The following ATRNL1 variants were observed in gnomAD, a reference collection of about 807,000 sequenced individuals.
The protein encoded by ATRNL1 is attractin like 1.
Under a neutral mutation model 182.7 loss-of-function variants are expected in ATRNL1, and 95 were observed. The observed-to-expected ratio is 0.52, with a 90% CI of 0.44 to 0.62. ATRNL1 has a LOEUF of 0.62. Among genes scored for constraint, ATRNL1 ranks in the 20% least tolerant of loss-of-function variants. The probability of loss-of-function intolerance (pLI) is 0.00; values close to 1 mark genes in which losing one functional copy is unlikely to be tolerated. For missense variants in ATRNL1, 1,471 were observed against 1,679.5 expected (o/e 0.88, Z 2.17); for synonymous variants, 576 against 568.3 (o/e 1.01, Z -0.19).
intron 14 of ATRNL1, among the ~76,000 whole-genome samples, chr10:115,285,271 A>G (rs1852553829): frequency 6.6e-6 from 1 of 152,156 alleles, no homozygotes; most frequent in Non-Finnish European, 1.5e-5. Flanking sequence ...CCAAATCAGT[A>G]GATATAGCAT....
intron 19 of ATRNL1, among the ~76,000 whole-genome samples, chr10:115,350,346 GA>G (rs71010016): frequency 7.5e-5 from 5 of 66,404 alleles, no homozygotes; most frequent in African/African-American, 3.0e-4. Flanking sequence ...AAAAAAAAAA[GA>G]AAAAAAAAAA....
At chr10:115,384,260 T>C (rs1254309873) in intron 19 of ATRNL1, among the ~76,000 whole-genome samples, 3 of 152,038 alleles carry the variant, frequency 2.0e-5, no homozygotes, top group Non-Finnish European at 4.4e-5. Context: ...GCATGTTCTT[T>C]AAAAGTGCCC....
intron 20 of ATRNL1, among the ~76,000 whole-genome samples, chr10:115,415,491 A>C (rs1350056684): frequency 6.6e-6 from 1 of 151,386 alleles, no homozygotes; most frequent in Non-Finnish European, 1.5e-5. Context: ...GTTTCTTGAC[A>C]GTACTAATTG....
At chr10:115,427,666 C>T (rs1312346345) in intron 21 of ATRNL1, among the ~76,000 whole-genome samples, 1 of 152,118 alleles carries the variant, frequency 6.6e-6, no homozygotes, top group East Asian at 1.9e-4. Flanking sequence ...TGTTCAAGCA[C>T]ACTTTATGTG....
chr10:115,824,866 T>C (rs1950391633), intron 27 of ATRNL1, among the ~76,000 whole-genome samples: 1 of 152,210 alleles, frequency 6.6e-6, no homozygotes, highest in African/African-American at 2.4e-5. Flanking sequence ...CTCAAGGATC[T>C]AGAATCAGCA....
chr10:115,581,684 G>A (rs1341132216), intron 26 of ATRNL1, among the ~76,000 whole-genome samples: 2 of 151,966 alleles, frequency 1.3e-5, no homozygotes, highest in Non-Finnish European at 2.9e-5. Flanking sequence ...TTGATCCAAG[G>A]TAAACAGGTC....
chr10:115,656,854 C>T (rs1247128544), intron 26 of ATRNL1, among the ~76,000 whole-genome samples: 1 of 152,110 alleles, frequency 6.6e-6, no homozygotes, highest in Non-Finnish European at 1.5e-5. Flanking sequence ...CTGTCACTCA[C>T]TGACTCACCA....
chr10:115,869,574 A>G (rs1951528457), intron 28 of ATRNL1, among the ~76,000 whole-genome samples: 2 of 152,086 alleles, frequency 1.3e-5, no homozygotes, highest in African/African-American at 4.8e-5. Context: ...CTCATCTCCC[A>G]CCACCACACA....
At chr10:115,645,148 G>T (rs1859523435) in intron 26 of ATRNL1, among the ~76,000 whole-genome samples, 1 of 151,948 alleles carries the variant, frequency 6.6e-6, no homozygotes, top group Admixed American at 6.6e-5. Context: ...GGTTTTCATT[G>T]TTTACTATGC....
At chr10:115,397,748 A>G (rs560545516) in intron 20 of ATRNL1, among the ~76,000 whole-genome samples, 3 of 152,162 alleles carry the variant, frequency 2.0e-5, no homozygotes, top group Non-Finnish European at 4.4e-5. Context: ...GAACATGATC[A>G]TAGCATTTCC....
At chr10:115,181,922 G>A (rs1434822762) in intron 8 of ATRNL1, among the ~76,000 whole-genome samples, 1 of 151,582 alleles carries the variant, frequency 6.6e-6, no homozygotes, top group Non-Finnish European at 1.5e-5. Context: ...CAAATAAGAA[G>A]ATGAATGCAA....
intron 7 of ATRNL1, among the ~76,000 whole-genome samples, chr10:115,166,569 T>G (rs1847053531): frequency 6.6e-6 from 1 of 151,982 alleles, no homozygotes; most frequent in African/African-American, 2.4e-5. Flanking sequence ...TGTCAACACT[T>G]GTTATTTTCT....
intron 26 of ATRNL1, among the ~76,000 whole-genome samples, chr10:115,572,164 A>C (rs1298788012): frequency 6.6e-6 from 1 of 152,168 alleles, no homozygotes; most frequent in African/African-American, 2.4e-5. Flanking sequence ...CAATTCATTT[A>C]ATTGTACATT....
intron 25 of ATRNL1, among the ~76,000 whole-genome samples, chr10:115,526,639 T>G (rs1359436205): frequency 6.6e-6 from 1 of 152,122 alleles, no homozygotes; most frequent in Non-Finnish European, 1.5e-5. Context: ...TGCCAATCAG[T>G]GAGTGAATCA....
chr10:115,885,533 T>A (rs1951923336), intron 28 of ATRNL1, among the ~76,000 whole-genome samples: 1 of 152,234 alleles, frequency 6.6e-6, no homozygotes, highest in Non-Finnish European at 1.5e-5. Flanking sequence ...AAAATAATGT[T>A]TTCATCTGAT....
At chr10:115,910,331 G>C (rs1409729070) in intron 28 of ATRNL1, among the ~76,000 whole-genome samples, 2 of 152,156 alleles carry the variant, frequency 1.3e-5, no homozygotes, top group Non-Finnish European at 2.9e-5. Context: ...CACTCAATTT[G>C]ACTATTCTGA....
chr10:115,728,402 C>T (rs1169373193), intron 27 of ATRNL1, among the ~76,000 whole-genome samples: 1 of 148,592 alleles, frequency 6.7e-6, no homozygotes, highest in Admixed American at 6.7e-5. Flanking sequence ...ATGTTTATTA[C>T]TTTTATTTAC....
chr10:115,343,660 T>C (rs1355228597), intron 19 of ATRNL1, among the ~76,000 whole-genome samples: 1 of 152,108 alleles, frequency 6.6e-6, no homozygotes, highest in Admixed American at 6.5e-5. Context: ...GATGAGGTCA[T>C]GTTTTCCTGG....
chr10:115,793,896 A>G (rs1300615980), intron 27 of ATRNL1, among the ~76,000 whole-genome samples: 2 of 152,192 alleles, frequency 1.3e-5, no homozygotes, highest in Non-Finnish European at 1.5e-5. Context: ...TATACTAAAA[A>G]TCAATGAACT....
Sources: allele counts gnomAD v4.1 joint callset (sites outside exome capture counted in the v4.1 genomes callset), GRCh38; gene constraint gnomAD v4.1.1; transcripts MANE v1.5; gene names NCBI Gene and HGNC (gene_info 2026-07-23, HGNC 2026-07-21).